STAC: variants seen among roughly 807,000 people sequenced by gnomAD.
STAC encodes the protein SH3 and cysteine-rich domain-containing protein.
In STAC, 43 loss-of-function variants were observed where a neutral mutation model predicts 48.8. The observed-to-expected ratio is 0.88, with a 90% CI of 0.69 to 1.14. The LOEUF (loss-of-function observed/expected upper bound fraction) is 1.14, where lower values mean the gene tolerates loss of function less well. Ranked by LOEUF, STAC falls within the 50% of genes most tolerant of loss-of-function variation. The probability of loss-of-function intolerance (pLI) is 0.00; values close to 1 mark genes in which losing one functional copy is unlikely to be tolerated. For missense variants in STAC, 497 were observed against 504.0 expected (o/e 0.99, Z 0.13); for synonymous variants, 193 against 179.5 (o/e 1.07, Z -0.60).
chr3:36,491,514 C>G (rs1299972544), intron 5 of STAC, among the ~76,000 whole-genome samples: 1 of 152,024 alleles, frequency 6.6e-6, no homozygotes. Flanking sequence ...GGGAGCAGGA[C>G]ATGAGTGACT....
intron 1 of STAC, among the ~76,000 whole-genome samples, chr3:36,433,982 A>C (rs73063832): frequency 0.023 from 3,542 of 152,328 alleles, 58 homozygotes; most frequent in East Asian, 0.026. Context: ...ATTGTACTTA[A>C]TGTAAAAGAA....
At chr3:36,468,750 A>ATGTGTG (rs142552025) in intron 2 of STAC, among the ~76,000 whole-genome samples, 3,808 of 145,488 alleles carry the variant, frequency 0.026, 132 homozygotes, top group African/African-American at 0.09. Context: ...AAATACATAT[A>ATGTGTG]TGTGTGTGTG....
rs1223852023 is a variant in STAC at position 36,447,410 on chromosome 3, A to G, written c.388+3770A>G. 2.0e-5 allele frequency among the ~76,000 whole-genome samples: 3 copies of G among 152,218 alleles called. No homozygotes were observed. In the East Asian group the frequency reaches 5.8e-4, roughly 29 times the overall value. ...AAGTATAAAACACTCCCCACTAGGA[A>G]CAAATTTAAAATGCAGATGAACCTT... On this transcript the variant is annotated intron_variant, in intron 2 of 10. Coordinates refer to ENST00000273183, the MANE Select transcript of STAC (RefSeq NM_003149.3).
intron 1 of STAC, among the ~76,000 whole-genome samples, chr3:36,421,367 C>T (rs980621336): frequency 6.6e-6 from 1 of 152,000 alleles, no homozygotes; most frequent in East Asian, 1.9e-4. Flanking sequence ...ATGTAACATG[C>T]TTATTTCCTA....
At chr3:36,482,231 C>A (rs1264241543) in intron 2 of STAC, among the ~76,000 whole-genome samples, 2 of 152,156 alleles carry the variant, frequency 1.3e-5, no homozygotes, top group Non-Finnish European at 2.9e-5. Context: ...ATAATGAACA[C>A]CGGTGTGCAG....
intron 8 of STAC, among the ~76,000 whole-genome samples, chr3:36,518,966 G>A (rs557862132): frequency 7.9e-4 from 120 of 152,296 alleles, no homozygotes; most frequent in Admixed American, 1.5e-3. Flanking sequence ...AGTGTGCAGG[G>A]CTGTGGGTGT....
intron 1 of STAC, among the ~76,000 whole-genome samples, chr3:36,396,503 A>C (rs1390959252): frequency 6.6e-6 from 1 of 152,162 alleles, no homozygotes; most frequent in Non-Finnish European, 1.5e-5. Context: ...AGGGGAAATT[A>C]GTGCTTTCCA....
intron 2 of STAC, among the ~76,000 whole-genome samples, chr3:36,478,995 T>C (rs552722265): frequency 2.2e-4 from 33 of 152,322 alleles, no homozygotes; most frequent in African/African-American, 7.9e-4. Context: ...CGCTCCAGTG[T>C]ACAGGTACTA....
chr3:36,526,013 A>G (rs1049085786), intron 8 of STAC, among the ~76,000 whole-genome samples: 1 of 152,342 alleles, frequency 6.6e-6, no homozygotes, highest in Admixed American at 6.5e-5. Context: ...CTATAACAGT[A>G]CTAGAAAACA....
At chr3:36,513,787 T>G (rs1361008703) in intron 8 of STAC, among the ~76,000 whole-genome samples, 1 of 152,112 alleles carries the variant, frequency 6.6e-6, no homozygotes, top group African/African-American at 2.4e-5. Context: ...CAGTCAGTTC[T>G]TTTTTGTATT....
At position 36,547,447 on chromosome 3, in the gene STAC, T is replaced by A. The variant is rs1699473619; in HGVS notation, c.*1158T>A. ...TAGCATCATCTAGGGGAATCTCTATTACTCTGTACTTATACTAATGTTTAC... is the reference window on the plus strand; with the variant it reads ...TAGCATCATCTAGGGGAATCTCTATAACTCTGTACTTATACTAATGTTTAC... On this transcript the variant is annotated 3_prime_UTR_variant, in exon 11 of 11. Transcript: ENST00000273183. 1 of 152,652 alleles carries A rather than the reference T, an allele frequency of 6.6e-6. No homozygotes were observed. The highest frequency in any genetic ancestry group is 1.5e-5 in the Non-Finnish European group (1 of 68,028). The allele number at this position is 152,652 out of a possible 1,614,324, so 9.5% of individuals were successfully genotyped here. A position where few individuals can be genotyped will look rare whatever the true frequency, so the allele number is the denominator to read the frequency against.
At chr3:36,533,473 A>ATTT (rs1699119660) in intron 10 of STAC, among the ~76,000 whole-genome samples, 3 of 73,760 alleles carry the variant, frequency 4.1e-5, no homozygotes, top group Non-Finnish European at 4.9e-5. Flanking sequence ...TCTTGCTAGC[A>ATTT]TGTTTTTTTT....
At chr3:36,383,767 G>A (rs1239731744) in intron 1 of STAC, among the ~76,000 whole-genome samples, 5 of 152,168 alleles carry the variant, frequency 3.3e-5, no homozygotes, top group Admixed American at 3.3e-4. Flanking sequence ...GCTTATCTCA[G>A]GTTCACAAAG....
chr3:36,385,093 C>G (rs1699588865), intron 1 of STAC, among the ~76,000 whole-genome samples: 1 of 152,182 alleles, frequency 6.6e-6, no homozygotes, highest in South Asian at 2.1e-4. Flanking sequence ...AGAGAGATCT[C>G]AAGCATCAGT....
At chr3:36,427,347 C>A (rs1245002711) in intron 1 of STAC, among the ~76,000 whole-genome samples, 2 of 152,192 alleles carry the variant, frequency 1.3e-5, no homozygotes, top group Non-Finnish European at 2.9e-5. Context: ...CTCCTCCAAC[C>A]AGGATTGCCA....
At chr3:36,455,609 C>T (rs1470301194) in intron 2 of STAC, among the ~76,000 whole-genome samples, 1 of 152,206 alleles carries the variant, frequency 6.6e-6, no homozygotes, top group Non-Finnish European at 1.5e-5. Flanking sequence ...ATTCAGCTGC[C>T]ATAACAGGGA....
chr3:36,426,221 T>C (rs1700561138), intron 1 of STAC, among the ~76,000 whole-genome samples: 1 of 152,202 alleles, frequency 6.6e-6, no homozygotes, highest in African/African-American at 2.4e-5. Context: ...CTTGATATAA[T>C]CTAACTCTAG....
At chr3:36,420,808 ATCTGT>A (rs1700433320) in intron 1 of STAC, among the ~76,000 whole-genome samples, 1 of 152,166 alleles carries the variant, frequency 6.6e-6, no homozygotes, top group African/African-American at 2.4e-5. Context: ...ACAATATGTC[ATCTGT>A]TTCATTAAGT....
chr3:36,456,467 C>T (rs1427296585), intron 2 of STAC, among the ~76,000 whole-genome samples: 1 of 152,154 alleles, frequency 6.6e-6, no homozygotes, highest in Non-Finnish European at 1.5e-5. Flanking sequence ...CAGTCGTGCT[C>T]AGTTATTAGT....
Sources: allele counts gnomAD v4.1 joint callset (sites outside exome capture counted in the v4.1 genomes callset), GRCh38; gene constraint gnomAD v4.1.1; transcripts MANE v1.5; gene names NCBI Gene and HGNC (gene_info 2026-07-23, HGNC 2026-07-21).